The following GNAQ variants were observed in gnomAD, a reference collection of about 807,000 sequenced individuals.
GNAQ encodes G protein subunit alpha q.
GNAQ carries 8 observed loss-of-function variants against 43.9 expected under a neutral mutation model. That is an observed-to-expected ratio of 0.18 (90% CI 0.11 to 0.33). The LOEUF (loss-of-function observed/expected upper bound fraction) is 0.33, where lower values mean the gene tolerates loss of function less well. Among genes scored for constraint, GNAQ ranks in the 10% least tolerant of loss-of-function variants. The pLI, the probability that GNAQ is intolerant of heterozygous loss-of-function variation, is 1.00. For synonymous variants in GNAQ, 155 were observed against 170.7 expected, an observed-to-expected ratio of 0.91 and a Z score of 0.71; for missense variants, 158 against 450.8, an observed-to-expected ratio of 0.35 and a Z score of 5.88.
chr9:77,725,090 T>C (rs1036665389), intron 6 of GNAQ, among the ~76,000 whole-genome samples: 3 of 152,104 alleles, frequency 2.0e-5, no homozygotes, highest in Non-Finnish European at 4.4e-5. Flanking sequence ...CCTTTTTTTT[T>C]TCTTTTTTAT....
chr9:77,749,444 C>A (rs1481936868), intron 5 of GNAQ, among the ~76,000 whole-genome samples: 1 of 152,170 alleles, frequency 6.6e-6, no homozygotes, highest in Non-Finnish European at 1.5e-5. Context: ...TCTATCCTTC[C>A]TTTTCTCTTT....
At chr9:78,021,787 C>A (rs1299661469) in intron 1 of GNAQ, among the ~76,000 whole-genome samples, 1 of 152,186 alleles carries the variant, frequency 6.6e-6, no homozygotes, top group Admixed American at 6.5e-5. Context: ...AGAAGCAACG[C>A]TTAAAGCCCA....
chr9:77,887,895 G>A (rs1001889192), intron 2 of GNAQ, among the ~76,000 whole-genome samples: 3 of 152,050 alleles, frequency 2.0e-5, no homozygotes, highest in African/African-American at 7.3e-5. Flanking sequence ...AAGACATTAT[G>A]AGCCAAGTAC....
At chr9:77,931,204 C>T (rs1435589386) in intron 1 of GNAQ, among the ~76,000 whole-genome samples, 1 of 149,436 alleles carries the variant, frequency 6.7e-6, no homozygotes, top group African/African-American at 2.5e-5. Flanking sequence ...ATCTCAATGA[C>T]ATTCATTCTG....
intron 2 of GNAQ, among the ~76,000 whole-genome samples, chr9:77,863,221 AGG>A (rs1390951401): frequency 7.3e-6 from 1 of 136,860 alleles, no homozygotes; most frequent in African/African-American, 2.8e-5. Context: ...GAAGGAAGGG[AGG>A]AAGGAAGAAA....
intron 1 of GNAQ, among the ~76,000 whole-genome samples, chr9:77,949,627 T>C (rs185667227): frequency 6.6e-6 from 1 of 152,022 alleles, no homozygotes; most frequent in Admixed American, 6.5e-5. Context: ...CTCTGGAAAA[T>C]TGGCATAGGT....
chr9:77,877,528 G>A (rs1828143107), intron 2 of GNAQ, among the ~76,000 whole-genome samples: 1 of 151,960 alleles, frequency 6.6e-6, no homozygotes, highest in Admixed American at 6.6e-5. Flanking sequence ...TTCAAATTAG[G>A]GAAAAAATAT....
intron 1 of GNAQ, among the ~76,000 whole-genome samples, chr9:77,953,117 C>T (rs1228579874): frequency 2.6e-5 from 4 of 152,166 alleles, no homozygotes; most frequent in African/African-American, 4.8e-5. Context: ...ACAATTTGGA[C>T]GTGGAGAAAC....
chr9:77,899,509 C>T lies in GNAQ; in HGVS notation c.321+22652G>A, dbSNP rs551501809. 5.0e-4 allele frequency among the ~76,000 whole-genome samples: 75 copies of T among 149,326 alleles called. 1 individual carries two copies. Among genetic ancestry groups the T allele is most frequent in the Middle Eastern group, 3.4e-3 (1 of 290 alleles). On this transcript the variant is annotated intron_variant, in intron 2 of 6. Coordinates refer to ENST00000286548, the MANE Select transcript of GNAQ (RefSeq NM_002072.5). Reference sequence around the variant, plus strand: ...ATAAGAGTGAGTGGATACTATCCCACACTTAATGAGAGACACAGGCATTAT... The same window carrying T: ...ATAAGAGTGAGTGGATACTATCCCATACTTAATGAGAGACACAGGCATTAT...
At chr9:77,773,852 C>CA (rs1189312250) in intron 5 of GNAQ, among the ~76,000 whole-genome samples, 1 of 152,204 alleles carries the variant, frequency 6.6e-6, no homozygotes, top group African/African-American at 2.4e-5. Flanking sequence ...CTCTGAAGAA[C>CA]ATTTCACGAA....
intron 2 of GNAQ, among the ~76,000 whole-genome samples, chr9:77,876,322 C>T (rs1355063025): frequency 6.6e-6 from 1 of 152,182 alleles, no homozygotes; most frequent in Non-Finnish European, 1.5e-5. Flanking sequence ...GAGGCCTTGT[C>T]AGCCAGGCCT....
At chr9:77,795,159 T>C (rs1826637443) in intron 4 of GNAQ, among the ~76,000 whole-genome samples, 1 of 152,162 alleles carries the variant, frequency 6.6e-6, no homozygotes, top group African/African-American at 2.4e-5. Context: ...TTCCCAATAT[T>C]GATAAGAATT....
At chr9:77,980,807 A>G (rs2118493276) in intron 1 of GNAQ, among the ~76,000 whole-genome samples, 1 of 152,356 alleles carries the variant, frequency 6.6e-6, no homozygotes. Context: ...ACACTTTGAT[A>G]CATATGTAAG....
At chr9:78,027,550 C>T (rs940616002) in intron 1 of GNAQ, among the ~76,000 whole-genome samples, 1 of 151,878 alleles carries the variant, frequency 6.6e-6, no homozygotes, top group Admixed American at 6.6e-5. Context: ...TGGCCTGTCG[C>T]GACCAGCCTG....
At chr9:77,873,378 T>C (rs1033092988) in intron 2 of GNAQ, among the ~76,000 whole-genome samples, 5 of 152,206 alleles carry the variant, frequency 3.3e-5, no homozygotes, top group African/African-American at 4.8e-5. Context: ...ATAAGGCTAA[T>C]AGCAAAAATG....
chr9:77,816,984 G>A (rs1827027205), intron 2 of GNAQ, among the ~76,000 whole-genome samples: 1 of 152,186 alleles, frequency 6.6e-6, no homozygotes. Flanking sequence ...TGTTCTGACT[G>A]TGACAATCGG....
At chr9:77,788,850 C>T (rs974197264) in intron 5 of GNAQ, among the ~76,000 whole-genome samples, 6 of 152,170 alleles carry the variant, frequency 3.9e-5, no homozygotes, top group African/African-American at 9.7e-5. Flanking sequence ...AGAAACAGCC[C>T]TTATGAATTC....
At chr9:77,807,663 G>A (rs966153806) in intron 3 of GNAQ, among the ~76,000 whole-genome samples, 4 of 152,092 alleles carry the variant, frequency 2.6e-5, no homozygotes, top group African/African-American at 7.2e-5. Flanking sequence ...GCTTCACTCA[G>A]TACTCTAAAA....
At chr9:77,726,016 G>A (rs1008922452) in intron 6 of GNAQ, among the ~76,000 whole-genome samples, 1 of 113,344 alleles carries the variant, frequency 8.8e-6, no homozygotes, top group African/African-American at 5.4e-5. Flanking sequence ...AGAACCTCGA[G>A]TGTGTGTGTG....
Sources: allele counts gnomAD v4.1 joint callset (sites outside exome capture counted in the v4.1 genomes callset), GRCh38; gene constraint gnomAD v4.1.1; transcripts MANE v1.5; gene names NCBI Gene and HGNC (gene_info 2026-07-23, HGNC 2026-07-21).